The following NRG1 variants were observed in gnomAD, a reference collection of about 807,000 sequenced individuals.
NRG1 encodes pro-neuregulin-1, membrane-bound isoform.
In NRG1, 18 loss-of-function variants were observed where a neutral mutation model predicts 63.8. The ratio of observed to expected loss-of-function variants is 0.28; its 90% CI spans 0.19 to 0.42. The LOEUF (loss-of-function observed/expected upper bound fraction) is 0.42. Ranked by LOEUF, NRG1 falls within the 10% of genes least tolerant of loss-of-function variation. NRG1 has a pLI of 1.00. For synonymous variants in NRG1, 302 were observed against 301.3 expected (o/e 1.00, Z -0.02); for missense variants, 762 against 814.7 (o/e 0.94, Z 0.79).
At chr8:32,340,231 A>G (rs1433348654) in intron 1 of NRG1, among the ~76,000 whole-genome samples, 2 of 152,260 alleles carry the variant, frequency 1.3e-5, no homozygotes, top group Non-Finnish European at 2.9e-5. Flanking sequence ...AACAATATGC[A>G]TGTATGCATA....
At chr8:32,401,010 A>T (rs1813114857) in intron 1 of NRG1, among the ~76,000 whole-genome samples, 1 of 152,238 alleles carries the variant, frequency 6.6e-6, no homozygotes, top group Non-Finnish European at 1.5e-5. Context: ...ATGGAGCTGG[A>T]GGCCATTATC....
chr8:32,772,375 T>TA (rs1831879109), downstream of NRG1, among the ~76,000 whole-genome samples: 2 of 152,124 alleles, frequency 1.3e-5, no homozygotes, highest in Admixed American at 1.3e-4. Flanking sequence ...GCTTGTAATA[T>TA]AGGCTTTGTT....
At chr8:32,569,223 A>C (rs1038552512) in intron 1 of NRG1, among the ~76,000 whole-genome samples, 1 of 151,866 alleles carries the variant, frequency 6.6e-6, no homozygotes, top group African/African-American at 2.4e-5. Context: ...CTAATTTTTG[A>C]ATTTTTTGCA....
chr8:32,094,725 C>T (rs1357901372), intron 1 of NRG1, among the ~76,000 whole-genome samples: 1 of 151,976 alleles, frequency 6.6e-6, no homozygotes, highest in Admixed American at 6.6e-5. Flanking sequence ...TTGGTTCTGT[C>T]ACCTCAGAAC....
At chr8:32,225,104 G>A (rs1432598465) in intron 1 of NRG1, among the ~76,000 whole-genome samples, 6 of 152,126 alleles carry the variant, frequency 3.9e-5, no homozygotes, top group Non-Finnish European at 5.9e-5. Context: ...CTTGCCTTGG[G>A]AGCCTGTGAC....
rs768554569 is a variant in NRG1, at chr8:31,640,618, G to A, written c.37+1187G>A. 1 of 1,611,524 alleles carries A rather than the reference G, an allele frequency of 6.2e-7. No individual in the cohort carries two copies. Among genetic ancestry groups the A allele is most frequent in the Non-Finnish European group, 8.5e-7 (1 of 1,179,444 alleles). On this transcript the variant is annotated intron_variant, in intron 1 of 10. Coordinates refer to the NRG1 transcript ENST00000519301. This position sits in a 1 kb window ranked among gnomAD's most constrained non-coding sequence, Gnocchi z 6.3. ...CAGGTACATCTTCTTCATGGAGCCC[G>A]ACGCCAACAGCACCAGCCGCGCGCC...
intron 1 of NRG1, among the ~76,000 whole-genome samples, chr8:32,563,376 A>T (rs1198378133): frequency 6.6e-6 from 1 of 152,212 alleles, no homozygotes; most frequent in African/African-American, 2.4e-5. Flanking sequence ...TGATGGGTGA[A>T]ATTGTAGTGT....
intron 1 of NRG1, among the ~76,000 whole-genome samples, chr8:32,371,876 G>C (rs1265978085): frequency 6.6e-6 from 1 of 151,842 alleles, no homozygotes. Flanking sequence ...TTAAAACTAT[G>C]GTTTGTTAAA....
At chr8:32,714,104 T>A (rs1295293668) in intron 5 of NRG1, among the ~76,000 whole-genome samples, 1 of 152,088 alleles carries the variant, frequency 6.6e-6, no homozygotes, top group Non-Finnish European at 1.5e-5. Context: ...GGATTACAAG[T>A]GTGAGCCCCT....
chr8:32,710,447 A>G (rs2919379), intron 5 of NRG1, among the ~76,000 whole-genome samples: 111,505 of 152,062 alleles, frequency 0.73, 43,387 homozygotes, highest in Non-Finnish European at 0.88. Flanking sequence ...TAAATTTAGC[A>G]TTTCATTTGG....
intron 1 of NRG1, among the ~76,000 whole-genome samples, chr8:31,831,342 A>G (rs1219963550): frequency 6.6e-6 from 1 of 152,092 alleles, no homozygotes; most frequent in Non-Finnish European, 1.5e-5. Flanking sequence ...GCCTCAAGTG[A>G]TCTGCCCCCG....
intron 1 of NRG1, among the ~76,000 whole-genome samples, chr8:31,817,492 A>C (rs999840762): frequency 6.6e-6 from 1 of 152,246 alleles, no homozygotes; most frequent in African/African-American, 2.4e-5. Flanking sequence ...TACATGTGCA[A>C]AGTCAGAACA....
chr8:32,754,585 AAGG>A, intron 8 of NRG1, 111 bp downstream of exon 8: 4 of 939,472 alleles, frequency 4.3e-6, no homozygotes, highest in Non-Finnish European at 6.6e-6. Flanking sequence ...ATAAAAAAAA[AAGG>A]AGGGGCAGGG....
intron 1 of NRG1, among the ~76,000 whole-genome samples, chr8:32,345,232 T>C (rs1804735733): frequency 6.6e-6 from 1 of 152,198 alleles, no homozygotes; most frequent in South Asian, 2.1e-4. Context: ...GTGCAAGCAC[T>C]TTATGATTTG....
chr8:31,654,866 AG>A (rs1805272663), intron 1 of NRG1, among the ~76,000 whole-genome samples: 1 of 152,222 alleles, frequency 6.6e-6, no homozygotes. Context: ...CCTTGAGCCC[AG>A]GAATTTGAGG....
intron 7 of NRG1, chr8:32,748,756 A>T: frequency 4.4e-6 from 2 of 454,118 alleles, no homozygotes; most frequent in Admixed American, 4.7e-5. Context: ...TAGGAATTGG[A>T]TCTTTCCCAC....
At chr8:31,904,663 C>T (rs1424291245) in intron 1 of NRG1, among the ~76,000 whole-genome samples, 7 of 152,092 alleles carry the variant, frequency 4.6e-5, no homozygotes, top group Non-Finnish European at 1.5e-5. Flanking sequence ...AAAGGAAATG[C>T]GGTACATATA....
At chr8:32,093,455 T>A (rs992324931) in intron 1 of NRG1, among the ~76,000 whole-genome samples, 1 of 152,196 alleles carries the variant, frequency 6.6e-6, no homozygotes, top group Admixed American at 6.5e-5. Flanking sequence ...TACAGGAAAG[T>A]GTATTTAAGT....
intron 1 of NRG1, among the ~76,000 whole-genome samples, chr8:32,165,051 G>A (rs917459928): frequency 6.6e-6 from 1 of 151,946 alleles, no homozygotes; most frequent in Non-Finnish European, 1.5e-5. Context: ...ACAAGTAAAT[G>A]GGTTAGCTTT....
Sources: allele counts gnomAD v4.1 joint callset (sites outside exome capture counted in the v4.1 genomes callset), GRCh38; gene constraint gnomAD v4.1.1; non-coding constraint Gnocchi (gnomAD v3.1); transcripts MANE v1.5; gene names NCBI Gene and HGNC (gene_info 2026-07-23, HGNC 2026-07-21).